The following PRG4 variants were observed in gnomAD, a reference collection of about 807,000 sequenced individuals.
PRG4 encodes the protein articular superficial zone protein.
Under a neutral mutation model 91.2 loss-of-function variants are expected in PRG4, and 61 were observed. That is an observed-to-expected ratio of 0.67 (90% CI 0.54 to 0.83). The LOEUF (loss-of-function observed/expected upper bound fraction) is 0.83, where lower values mean the gene tolerates loss of function less well. PRG4 is among the 40% of genes least tolerant of loss of function. PRG4 has a pLI of 0.00. For missense variants in PRG4, 1,564 were observed against 1,714.2 expected (o/e 0.91, Z 1.55); for synonymous variants, 576 against 614.2 (o/e 0.94, Z 0.92).
At position 186,306,304 on chromosome 1, in the gene PRG4, T is replaced by C. The variant is rs1293998893; in HGVS notation, c.599-14T>C. On this transcript the variant is annotated splice_polypyrimidine_tract_variant and intron_variant, in intron 6 of 12. Transcript: ENST00000445192. ...AAATATTCTAAAATAACAAGATGTA[T>C]ATTTTTTCTCCAGTAAAAGATAACA... The C allele has an allele frequency of 1.3e-6, 2 of 1,549,134 alleles. No homozygotes were observed. Among genetic ancestry groups the C allele is most frequent in the Admixed American group, 2.0e-5 (1 of 50,104 alleles).
chr1:186,305,009 G>A, intron 6 of PRG4, 87 bp downstream of exon 6: 1 of 1,391,046 alleles, frequency 7.2e-7, no homozygotes, highest in Non-Finnish European at 1.0e-6. Flanking sequence ...GGCAGAATGA[G>A]GACATCTTAA....
At chr1:186,305,803 C>T (rs1002738519) in intron 6 of PRG4, among the ~76,000 whole-genome samples, 16 of 152,094 alleles carry the variant, frequency 1.1e-4, no homozygotes, top group African/African-American at 3.9e-4. Flanking sequence ...AGGTTAGCTG[C>T]GCAGAAGAAA....
Position 186,308,814 on chromosome 1 carries a change from C to T in PRG4, c.3095C>T (p.Thr1032Ile). 1 of 1,613,890 alleles carries T rather than the reference C, an allele frequency of 6.2e-7. No homozygotes were observed. Among genetic ancestry groups the T allele is most frequent in the Non-Finnish European group, 8.5e-7 (1 of 1,179,972 alleles). ...CCAACCAAAGCACCCAAAAAACCCACTTCTACCAAAAAGCCAAAAACAATG... is the reference window on the plus strand; with the variant it reads ...CCAACCAAAGCACCCAAAAAACCCATTTCTACCAAAAAGCCAAAAACAATG... ...QKPTKAPKKP[T>I]STKKPKTMPR... Residue 1032 changes from threonine (T) to isoleucine (I), a missense_variant, in exon 7 of 13, where the codon ACT becomes ATT. By Grantham distance (89) the Thr-to-Ile change is moderately conservative. Transcript: ENST00000445192.
At chr1:186,310,877 ATACC>A (rs937926384) in intron 8 of PRG4, among the ~76,000 whole-genome samples, 153 bp from the exon 9 acceptor site, 48 of 152,286 alleles carry the variant, frequency 3.2e-4, no homozygotes, top group African/African-American at 1.1e-3. Flanking sequence ...GACTTGGGAA[ATACC>A]TGCTCTCAGA....
chr1:186,309,901 C>G (rs750411766), intron 8 of PRG4, 31 bp downstream of exon 8: 8 of 1,581,200 alleles, frequency 5.1e-6, no homozygotes, highest in Non-Finnish European at 3.5e-6. Context: ...TTTTTCTTCT[C>G]ATCATTCTGT....
chr1:186,307,208 G>C lies in PRG4; in HGVS notation c.1489G>C (p.Glu497Gln), dbSNP rs868087027. ...GAAGCCTGCCCCAACTACCCCCAAG[G>C]AGCCTGCACCCACCACTCCCAAGGA... is the stretch of plus-strand genomic sequence containing the variant. The part of the protein sequence containing the change: ...PKKPAPTTPK[E>Q]PAPTTPKEPA... The change falls in exon 7 of 13, where the codon GAG (glutamate) becomes CAG (glutamine). Residue 497 changes from glutamate (E) to glutamine (Q), a missense_variant. Around this residue, in one of 3 missense-constraint regions of PRG4, gnomAD observed 1,079 missense variants for 1,162.2 expected, o/e 0.93. Transcript: ENST00000445192. The C allele has an allele frequency of 6.8e-7, 1 of 1,472,562 alleles. No homozygotes were observed. Among genetic ancestry groups the C allele is most frequent in the Admixed American group, 2.0e-5 (1 of 50,626 alleles). 91.2% of individuals were successfully genotyped at this position (1,472,562 alleles called of 1,614,324 possible).
At chr1:186,301,386 G>A (rs1656207933) in intron 3 of PRG4, among the ~76,000 whole-genome samples, 1 of 152,128 alleles carries the variant, frequency 6.6e-6, no homozygotes, top group African/African-American at 2.4e-5. Context: ...GTTGCCCTCA[G>A]TCACCATATT....
chr1:186,307,264 A>G lies in PRG4; in HGVS notation c.1545A>G (p.Ser515=). 6.4e-7 allele frequency: 1 copy of G among 1,551,764 alleles called. No individual in the cohort carries two copies. Among genetic ancestry groups the G allele is most frequent in the South Asian group, 1.1e-5 (1 of 88,872 alleles). ...CACCCACCACCACCAAGGAGCCTTC[A>G]CCCACCACTCCCAAGGAGCCTGCAC... ...EPAPTTTKEP[S]PTTPKEPAPT... Residue 515 remains serine, a synonymous_variant, in exon 7 of 13, where the codon TCA becomes TCG. Transcript: ENST00000445192.
At chr1:186,311,418 A>ACCC (rs1399237648) in intron 9 of PRG4, 22 bp from the exon 10 acceptor site, 21 of 1,607,280 alleles carry the variant, frequency 1.3e-5, no homozygotes, top group Non-Finnish European at 1.8e-5. Context: ...TGATAACATA[A>ACCC]TTTTCTCTTT....
At position 186,306,579 on chromosome 1, in the gene PRG4, A is replaced by G. The variant is rs772900481; in HGVS notation, c.860A>G (p.Lys287Arg). 40 of 1,613,376 alleles carry G rather than the reference A, an allele frequency of 2.5e-5. No homozygotes were observed. Among genetic ancestry groups the G allele is most frequent in the Non-Finnish European group, 3.2e-5 (38 of 1,179,644 alleles). The part of the protein sequence containing the change: ...TVNKETTVET[K>R]ETTTTNKQTS... ...AATAAAGAGACAACAGTTGAAACTA[A>G]AGAAACTACTACAACAAATAAACAG... The change falls in exon 7 of 13, where the codon AAA (lysine) becomes AGA (arginine). Residue 287 changes from lysine (K) to arginine (R), a missense_variant. This residue lies in a region of PRG4 where 437 missense variants were observed against 459.0 expected (regional missense o/e 0.95). Coordinates refer to ENST00000445192, the MANE Select transcript of PRG4 (RefSeq NM_005807.6).
chr1:186,304,694 T>G, intron 5 of PRG4, 100 bp from the exon 6 acceptor site: 1 of 1,436,368 alleles, frequency 7.0e-7, no homozygotes, highest in South Asian at 1.2e-5. Flanking sequence ...TCCAGATACT[T>G]GTAGACTAGT....
intron 2 of PRG4, 122 bp downstream of exon 2, chr1:186,297,073 C>T: frequency 1.2e-6 from 1 of 847,590 alleles, no homozygotes; most frequent in South Asian, 1.5e-5. Flanking sequence ...ATATACTGTA[C>T]AACCTTAAAA....
At chr1:186,311,259 G>A in intron 9 of PRG4, 89 bp downstream of exon 9, 1 of 1,451,292 alleles carries the variant, frequency 6.9e-7, no homozygotes, top group Non-Finnish European at 9.6e-7. Flanking sequence ...CCTCCAATAT[G>A]TGTCCTTTTA....
Position 186,307,530 on chromosome 1 carries a change from C to T in PRG4, c.1811C>T (p.Thr604Ile). 1.3e-6 allele frequency: 2 copies of T among 1,575,454 alleles called. No homozygotes were observed. Among genetic ancestry groups the T allele is most frequent in the Middle Eastern group, 1.7e-4 (1 of 5,824 alleles). ...ACCACCAAGAAGCCTGCACCCACCA[C>T]TCCCAAAGAGCCTGCCCCAACTACC... The part of the protein sequence containing the change: ...PTTTKKPAPT[T>I]PKEPAPTTPK... The change falls in exon 7 of 13, where the codon ACT (threonine) becomes ATT (isoleucine). Residue 604 changes from threonine (T) to isoleucine (I), a missense_variant. Transcript: ENST00000445192.
At position 186,313,716 on chromosome 1, in the gene PRG4, G is replaced by A. The variant is rs1193008587; in HGVS notation, c.4153G>A (p.Ala1385Thr). The stretch of plus-strand genomic sequence containing the variant: ...TAACATTGATGTGCCTAGTAGAACA[G>A]CAAGAGCAATTACTACTCGTTCTGG... ...YYNIDVPSRT[A>T]RAITTRSGQT... is the part of the protein sequence containing the mutation. The change falls in exon 13 of 13, where the codon GCA becomes ACA. Residue 1385 changes from alanine (A) to threonine (T), a missense_variant. Ala to Thr is a moderately conservative substitution (Grantham distance 58). This residue lies in a region of PRG4 where 1,079 missense variants were observed against 1,162.2 expected (regional missense o/e 0.93). Transcript: ENST00000445192. 4 of 1,609,006 alleles carry A rather than the reference G, an allele frequency of 2.5e-6. No homozygotes were observed. Among genetic ancestry groups the A allele is most frequent in the East Asian group, 2.2e-5 (1 of 44,750 alleles).
chr1:186,306,092 A>G (rs1656535153), intron 6 of PRG4, among the ~76,000 whole-genome samples: 1 of 152,190 alleles, frequency 6.6e-6, no homozygotes, highest in Admixed American at 6.5e-5. Context: ...TATTAATTGT[A>G]TAGAGTTTTA....
intron 6 of PRG4, among the ~76,000 whole-genome samples, chr1:186,305,858 G>T (rs1273229185): frequency 6.6e-6 from 1 of 152,184 alleles, no homozygotes; most frequent in Admixed American, 6.5e-5. Context: ...GCTCAGCAGG[G>T]ACTGTGGGGG....
At chr1:186,310,188 A>G (rs1180430843) in intron 8 of PRG4, among the ~76,000 whole-genome samples, 1 of 150,882 alleles carries the variant, frequency 6.6e-6, no homozygotes, top group African/African-American at 2.4e-5. Flanking sequence ...TTAATTTCAT[A>G]CCAAATGAAA....
chr1:186,314,030 TA>T lies in PRG4; in HGVS notation c.*256del. On this transcript the variant is annotated 3_prime_UTR_variant, in exon 13 of 13. Coordinates refer to ENST00000445192, the MANE Select transcript of PRG4 (RefSeq NM_005807.6). The stretch of plus-strand genomic sequence containing the variant: ...CCTCCCATTGCATGGCTCACACCTG[TA>T]AAAGAAAAAAGAATCAAATTGAATA... The T allele has an allele frequency of 6.2e-7, 1 of 1,608,712 alleles. No individual in the cohort carries two copies. The highest frequency in any genetic ancestry group is 8.5e-7 in the Non-Finnish European group (1 of 1,178,618).
Sources: gnomAD v4.1 joint callset for allele counts (sites outside exome capture counted in the v4.1 genomes callset) on GRCh38, gnomAD v4.1.1 for gene constraint, gnomAD v4.1.1 regional missense constraint, MANE v1.5 for transcripts, NCBI Gene and HGNC (gene_info 2026-07-23, HGNC 2026-07-21) for gene names.